The following EPS15 variants were observed in gnomAD, a reference collection of about 807,000 sequenced individuals.
EPS15 encodes the protein epidermal growth factor receptor substrate 15.
EPS15 carries 72 observed loss-of-function variants against 113.8 expected under a neutral mutation model. The ratio of observed to expected loss-of-function variants is 0.63; its 90% CI spans 0.52 to 0.77. EPS15 has a LOEUF of 0.77. EPS15 is among the 30% of genes least tolerant of loss of function. The pLI, the probability that EPS15 is intolerant of heterozygous loss-of-function variation, is 0.00. For missense variants in EPS15, 1,048 were observed against 1,045.8 expected, an observed-to-expected ratio of 1.00 and a Z score of -0.03; for synonymous variants, 344 against 363.4, an observed-to-expected ratio of 0.95 and a Z score of 0.61.
At chr1:51,467,646 T>G (rs569261853) in intron 5 of EPS15, among the ~76,000 whole-genome samples, 5 of 152,176 alleles carry the variant, frequency 3.3e-5, no homozygotes, top group African/African-American at 9.6e-5. Context: ...CTGAGCTGTA[T>G]AGCAGGAGGT....
chr1:51,405,791 C>T (rs946954945), intron 16 of EPS15, 114 bp downstream of exon 16: 16 of 805,784 alleles, frequency 2.0e-5, no homozygotes, highest in Middle Eastern at 2.3e-4. Context: ...AAAAGGAAAT[C>T]TCAATTGTCC....
chr1:51,468,487 G>A lies in EPS15; in HGVS notation c.295C>T (p.Pro99Ser). 2 of 1,606,856 alleles carry A rather than the reference G, an allele frequency of 1.2e-6. No homozygotes were observed. The highest frequency in any genetic ancestry group is 1.7e-6 in the Non-Finnish European group (2 of 1,173,490). Residue 99 changes from proline (P) to serine (S), a missense_variant, in exon 5 of 25, where the codon CCT becomes TCT. Transcript: ENST00000371733. The part of the protein sequence containing the change: ...VSLSSLNLAV[P>S]PPRFHDTSSP... ...GCATTTCTTACAAATCTTGGTGGAG[G>A]AACAGCCAGGTTCAAACTACTTAGT...
At chr1:51,450,483 T>C (rs1056499351) in intron 8 of EPS15, among the ~76,000 whole-genome samples, 1 of 151,802 alleles carries the variant, frequency 6.6e-6, no homozygotes, top group Admixed American at 6.6e-5. Context: ...AGCCACCTAT[T>C]TGACAGTTAC....
At chr1:51,399,643 G>C (rs1648320412) in intron 19 of EPS15, among the ~76,000 whole-genome samples, 1 of 151,596 alleles carries the variant, frequency 6.6e-6, no homozygotes, top group African/African-American at 2.4e-5. Flanking sequence ...CGGATGACTT[G>C]AGCTCAGGAG....
intron 1 of EPS15, among the ~76,000 whole-genome samples, chr1:51,487,069 T>C (rs1644137606): frequency 1.3e-5 from 2 of 152,224 alleles, no homozygotes; most frequent in African/African-American, 4.8e-5. Flanking sequence ...TAAAGTATGT[T>C]AGCAACTAAA....
intron 1 of EPS15, among the ~76,000 whole-genome samples, chr1:51,497,474 T>C (rs911927485): frequency 6.6e-6 from 1 of 152,198 alleles, no homozygotes; most frequent in Non-Finnish European, 1.5e-5. Flanking sequence ...AAATGATACA[T>C]GGATATGGTG....
chr1:51,413,267 C>A (rs1257005621), intron 13 of EPS15, among the ~76,000 whole-genome samples: 2 of 152,234 alleles, frequency 1.3e-5, no homozygotes, highest in African/African-American at 4.8e-5. Context: ...CTTCCTTCAC[C>A]TATGCTCAAA....
intron 9 of EPS15, 87 bp downstream of exon 9, chr1:51,447,959 T>C (rs746999326): frequency 4.6e-6 from 7 of 1,522,130 alleles, no homozygotes; most frequent in Non-Finnish European, 6.2e-6. Context: ...CTTTGGTAGG[T>C]AAAATGCCTA....
intron 5 of EPS15, among the ~76,000 whole-genome samples, chr1:51,467,017 T>TG (rs1434469432): frequency 6.6e-6 from 1 of 152,118 alleles, no homozygotes; most frequent in South Asian, 2.1e-4. Context: ...TAAACAGACA[T>TG]TCACATAAAG....
intron 13 of EPS15, among the ~76,000 whole-genome samples, chr1:51,418,671 G>C (rs888038916): frequency 1.3e-5 from 2 of 152,228 alleles, no homozygotes; most frequent in African/African-American, 4.8e-5. Flanking sequence ...ATAATAAAGA[G>C]ATGATTGTAG....
chr1:51,461,021 T>G, intron 8 of EPS15, 70 bp downstream of exon 8: 1 of 1,031,518 alleles, frequency 9.7e-7, no homozygotes, highest in South Asian at 1.3e-5. Context: ...AAGGATGAAC[T>G]AAAAGAGGAA....
chr1:51,379,932 C>T (rs1047577104), intron 21 of EPS15, among the ~76,000 whole-genome samples: 3 of 150,102 alleles, frequency 2.0e-5, no homozygotes, highest in Non-Finnish European at 3.0e-5. Context: ...CATGGTGGTG[C>T]GTGCCTGTAG....
At position 51,408,513 on chromosome 1, in the gene EPS15, C is replaced by G. The variant is rs1649359300; in HGVS notation, c.1276-181G>C. 2.0e-5 allele frequency among the ~76,000 whole-genome samples: 3 copies of G among 152,120 alleles called. 1 individual carries two copies. The South Asian group carries it at 6.2e-4, about 32-fold the overall frequency. On this transcript the variant is annotated intron_variant, in intron 14 of 24. Coordinates refer to ENST00000371733, the MANE Select transcript of EPS15 (RefSeq NM_001981.3). ...AGAGAGTCTTGCTATGTTGCCCAGG[C>G]TGGATTCAAACTCCTGGGCTCAAGT...
intron 11 of EPS15, among the ~76,000 whole-genome samples, chr1:51,444,540 C>T (rs1252860894): frequency 6.6e-6 from 1 of 152,174 alleles, no homozygotes; most frequent in Non-Finnish European, 1.5e-5. Context: ...AAGAGTGAAT[C>T]ATCAAGTGAA....
chr1:51,486,613 C>T, intron 1 of EPS15, among the ~76,000 whole-genome samples: 1 of 151,986 alleles, frequency 6.6e-6, no homozygotes. Context: ...CAGAGATTAC[C>T]TTTAATACAG....
intron 1 of EPS15, among the ~76,000 whole-genome samples, chr1:51,495,021 T>C (rs899520337): frequency 3.9e-5 from 6 of 152,190 alleles, no homozygotes; most frequent in Admixed American, 2.0e-4. Flanking sequence ...AGGGCAGAAA[T>C]GTAACCTTAG....
chr1:51,484,382 C>A (rs560969242), intron 1 of EPS15, among the ~76,000 whole-genome samples: 1 of 151,878 alleles, frequency 6.6e-6, no homozygotes, highest in Non-Finnish European at 1.5e-5. Context: ...GGCAACACAG[C>A]GAGATCTTGT....
Position 51,402,424 on chromosome 1 carries a change from AG to A in EPS15, c.1882+10del. On this transcript the variant is annotated intron_variant, in intron 18 of 24. Transcript: ENST00000371733. ...TGGGTAAATCTATAATATAAAAAAA[AG>A]AGTACTTACTGCCAACAAAAGGATC... The A allele has an allele frequency of 7.0e-7, 1 of 1,423,250 alleles. No homozygotes were observed. Among genetic ancestry groups the A allele is most frequent in the East Asian group, 2.3e-5 (1 of 43,176 alleles). 88.2% of individuals were successfully genotyped at this position (1,423,250 alleles called of 1,614,324 possible).
At chr1:51,510,723 CTCATT>C (rs1644604447) in intron 1 of EPS15, among the ~76,000 whole-genome samples, 1 of 152,214 alleles carries the variant, frequency 6.6e-6, no homozygotes, top group Non-Finnish European at 1.5e-5. Flanking sequence ...AGGTTGCCTT[CTCATT>C]TAAGTTTTTT....
Sources: allele counts gnomAD v4.1 joint callset (sites outside exome capture counted in the v4.1 genomes callset), GRCh38; gene constraint gnomAD v4.1.1; transcripts MANE v1.5; gene names NCBI Gene and HGNC (gene_info 2026-07-23, HGNC 2026-07-21).